The following SMYD3 variants were observed in gnomAD, a reference collection of about 807,000 sequenced individuals.
SMYD3 encodes histone-lysine N-methyltransferase SMYD3.
In SMYD3, 36 loss-of-function variants were observed where a neutral mutation model predicts 57.7. That is an observed-to-expected ratio of 0.62 (90% CI 0.48 to 0.82). The LOEUF is 0.82. Ranked by LOEUF, SMYD3 falls within the 40% of genes least tolerant of loss-of-function variation. SMYD3 has a pLI of 0.00. For missense variants in SMYD3, 515 were observed against 538.8 expected (o/e 0.96, Z 0.44); for synonymous variants, 211 against 195.0 (o/e 1.08, Z -0.68).
intron 11 of SMYD3, among the ~76,000 whole-genome samples, chr1:245,762,074 C>T (rs2817507): frequency 0.1 from 15,620 of 152,028 alleles, 2,580 homozygotes; most frequent in African/African-American, 0.35. Flanking sequence ...TGTGAGCCAC[C>T]GCGCCCAGCC....
rs997327450 is a variant in SMYD3, at chr1:246,450,635, C to A, written c.164+56419G>T. Among the ~76,000 whole-genome samples, 28 of 152,290 alleles carry A rather than the reference C, an allele frequency of 1.8e-4. No homozygotes were observed. The East Asian group carries it at 2.1e-3, about 12-fold the overall frequency. Reference sequence around the variant, plus strand: ...TTCTGTCTCCCTCACTAAACTGTGACATCTCAAGGACAAAAAGGAATCATA... The same window carrying A: ...TTCTGTCTCCCTCACTAAACTGTGAAATCTCAAGGACAAAAAGGAATCATA... On this transcript the variant is annotated intron_variant, in intron 1 of 11. Transcript: ENST00000490107.
chr1:246,429,768 C>A (rs1175600188), intron 1 of SMYD3, among the ~76,000 whole-genome samples: 11 of 152,110 alleles, frequency 7.2e-5, no homozygotes. Context: ...TTAACTCCTG[C>A]CTCAAGGATA....
Position 245,930,312 on chromosome 1 carries a change from G to A in SMYD3, c.532-375C>T, listed in dbSNP as rs866223561. On this transcript the variant is annotated intron_variant, in intron 5 of 11. Transcript: ENST00000490107. ...GAAAACTAGACTCCTGCTGTATCAC[G>A]ATTTTTTCAAACTGCATGCAGTTTC... 91 of 360,242 alleles carry A rather than the reference G, an allele frequency of 2.5e-4. 6 individuals are homozygous for A. In the Middle Eastern group the frequency reaches 0.031, roughly 122 times the overall value. The allele number at this position is 360,242 out of a possible 1,614,324, so 22.3% of individuals were successfully genotyped here. A position where few individuals can be genotyped will look rare whatever the true frequency, so the allele number is the denominator to read the frequency against.
At chr1:246,386,316 G>A (rs1272406360) in intron 1 of SMYD3, among the ~76,000 whole-genome samples, 1 of 152,208 alleles carries the variant, frequency 6.6e-6, no homozygotes, top group Admixed American at 6.5e-5. Context: ...GCAAAGGGGA[G>A]TTAAAATGAA....
chr1:246,249,869 T>C (rs1268579973), intron 5 of SMYD3, among the ~76,000 whole-genome samples: 1 of 152,212 alleles, frequency 6.6e-6, no homozygotes, highest in African/African-American at 2.4e-5. Context: ...GGATAGGTGA[T>C]TTTGTACTGT....
intron 10 of SMYD3, among the ~76,000 whole-genome samples, chr1:245,765,350 C>T (rs1572273876): frequency 6.6e-6 from 1 of 151,598 alleles, no homozygotes; most frequent in Admixed American, 6.6e-5. Context: ...TTTCACACCA[C>T]TGCACTCCAC....
intron 5 of SMYD3, among the ~76,000 whole-genome samples, chr1:246,024,097 T>G (rs1392358911): frequency 6.6e-6 from 1 of 152,052 alleles, no homozygotes; most frequent in Non-Finnish European, 1.5e-5. Flanking sequence ...GAGATGAAAA[T>G]CAGGTTGCTT....
chr1:246,233,904 T>C (rs1454705686), intron 5 of SMYD3, among the ~76,000 whole-genome samples: 2 of 115,226 alleles, frequency 1.7e-5, no homozygotes, highest in African/African-American at 3.4e-5. Context: ...GATGAACATA[T>C]ACCACGCAGA....
intron 5 of SMYD3, among the ~76,000 whole-genome samples, chr1:246,240,731 T>C (rs1165837370): frequency 6.6e-6 from 1 of 152,250 alleles, no homozygotes; most frequent in East Asian, 1.9e-4. Context: ...GAGCATGGAA[T>C]GTTCTTCCAC....
chr1:245,987,385 C>A (rs528557329), intron 5 of SMYD3, among the ~76,000 whole-genome samples: 8 of 152,228 alleles, frequency 5.3e-5, no homozygotes, highest in Admixed American at 5.2e-4. Flanking sequence ...CAGCCTCTAC[C>A]CACTACACAC....
intron 5 of SMYD3, among the ~76,000 whole-genome samples, chr1:246,143,100 T>C (rs2061783923): frequency 6.6e-6 from 1 of 150,646 alleles, no homozygotes; most frequent in Non-Finnish European, 1.5e-5. Flanking sequence ...TTATCTTTTT[T>C]AATGGAAATA....
chr1:245,807,526 C>G (rs2048242625), intron 10 of SMYD3, among the ~76,000 whole-genome samples: 1 of 152,142 alleles, frequency 6.6e-6, no homozygotes, highest in Non-Finnish European at 1.5e-5. Flanking sequence ...GGGAAGCAGG[C>G]CTGGCAGCAG....
intron 10 of SMYD3, among the ~76,000 whole-genome samples, chr1:245,831,067 C>G (rs1171257969): frequency 6.6e-6 from 1 of 152,138 alleles, no homozygotes; most frequent in Non-Finnish European, 1.5e-5. Context: ...TAGAGCTAAT[C>G]CCAAGTAAAC....
At chr1:246,312,387 C>T (rs551283246) in intron 5 of SMYD3, among the ~76,000 whole-genome samples, 1 of 151,728 alleles carries the variant, frequency 6.6e-6, no homozygotes, top group Non-Finnish European at 1.5e-5. Flanking sequence ...TAGGTGAGAT[C>T]GGAAGGATTT....
At chr1:246,314,997 C>A (rs71638326) in intron 5 of SMYD3, among the ~76,000 whole-genome samples, 23,446 of 152,150 alleles carry the variant, frequency 0.15, 2,371 homozygotes, top group East Asian at 0.39. Context: ...TGGGCATCAA[C>A]TAACAGAAAG....
chr1:245,774,681 C>A (rs1331858290), intron 10 of SMYD3, among the ~76,000 whole-genome samples: 3 of 115,814 alleles, frequency 2.6e-5, no homozygotes, highest in African/African-American at 9.6e-5. Flanking sequence ...CTCTCCCTTT[C>A]CCACGGTCTC....
At chr1:246,229,370 G>C (rs1452634319) in intron 5 of SMYD3, among the ~76,000 whole-genome samples, 1 of 152,148 alleles carries the variant, frequency 6.6e-6, no homozygotes, top group African/African-American at 2.4e-5. Flanking sequence ...GTTTGTGATA[G>C]AAGGTGTTAC....
chr1:246,273,166 G>GC (rs1164524209), intron 5 of SMYD3, among the ~76,000 whole-genome samples: 1 of 55,054 alleles, frequency 1.8e-5, no homozygotes, highest in African/African-American at 9.7e-5. Context: ...TTTTTTGGGG[G>GC]GGGGACAGAG....
chr1:246,500,938 G>GA (rs2068446893), intron 1 of SMYD3, among the ~76,000 whole-genome samples: 1 of 152,190 alleles, frequency 6.6e-6, no homozygotes, highest in South Asian at 2.1e-4. Context: ...CACTTAAAAA[G>GA]AAAAATGTAG....
Sources: allele counts gnomAD v4.1 joint callset (sites outside exome capture counted in the v4.1 genomes callset), GRCh38; gene constraint gnomAD v4.1.1; transcripts MANE v1.5; gene names NCBI Gene and HGNC (gene_info 2026-07-23, HGNC 2026-07-21).